PLCXD3: variants seen among roughly 807,000 people sequenced by gnomAD.
PLCXD3 encodes PI-PLC X domain-containing protein 3.
A neutral mutation model predicts 25.5 loss-of-function variants in PLCXD3; 19 were observed. That is an observed-to-expected ratio of 0.75 (90% CI 0.52 to 1.09). The LOEUF (loss-of-function observed/expected upper bound fraction) is 1.09, where lower values mean the gene tolerates loss of function less well. PLCXD3 is among the 50% of genes least tolerant of loss of function. PLCXD3 has a pLI of 0.00. For missense variants in PLCXD3, 411 were observed against 388.1 expected (o/e 1.06, Z -0.50); for synonymous variants, 174 against 137.6 (o/e 1.26, Z -1.85).
At chr5:41,401,086 A>G (rs568630812) in intron 1 of PLCXD3, among the ~76,000 whole-genome samples, 2 of 152,094 alleles carry the variant, frequency 1.3e-5, no homozygotes, top group South Asian at 4.1e-4. Flanking sequence ...CTCATTTTAA[A>G]ACTTGGTTAG....
chr5:41,510,600 A>C lies in PLCXD3; in HGVS notation c.-74T>G. 2.6e-6 allele frequency: 3 copies of C among 1,168,870 alleles called. No homozygotes were observed. Among genetic ancestry groups the C allele is most frequent in the African/African-American group, 1.5e-5 (1 of 65,502 alleles). 72.4% of individuals were successfully genotyped at this position (1,168,870 alleles called of 1,614,324 possible). A position where few individuals can be genotyped will look rare whatever the true frequency, so the allele number is the denominator to read the frequency against. On this transcript the variant is annotated 5_prime_UTR_variant, in exon 1 of 3. Transcript: ENST00000377801. ...CTGGCAGGCTGCTGCCGCTAATCCA[A>C]TGTTTGCTCTAGCCCCGCTAGAGTT...
At chr5:41,495,718 T>C (rs1041227450) in intron 1 of PLCXD3, among the ~76,000 whole-genome samples, 2 of 152,208 alleles carry the variant, frequency 1.3e-5, no homozygotes, top group Non-Finnish European at 1.5e-5. Context: ...CAGAGAAGGT[T>C]TGAGAGTCTT....
At chr5:41,453,864 G>C (rs1360613554) in intron 1 of PLCXD3, among the ~76,000 whole-genome samples, 1 of 151,904 alleles carries the variant, frequency 6.6e-6, no homozygotes, top group Non-Finnish European at 1.5e-5. Context: ...TGGTGTTCTT[G>C]AGGGCCATGG....
intron 2 of PLCXD3, among the ~76,000 whole-genome samples, chr5:41,316,455 T>A (rs977212443): frequency 6.9e-6 from 1 of 144,936 alleles, no homozygotes; most frequent in Non-Finnish European, 1.5e-5. Context: ...GGGACAAAAC[T>A]TCTTCTTGTT....
At chr5:41,455,280 C>T (rs772008286) in intron 1 of PLCXD3, among the ~76,000 whole-genome samples, 4 of 151,930 alleles carry the variant, frequency 2.6e-5, no homozygotes, top group Non-Finnish European at 5.9e-5. Context: ...TAATTTGTTA[C>T]AGCAGTTCTA....
intron 1 of PLCXD3, among the ~76,000 whole-genome samples, chr5:41,509,787 G>A (rs895037489): frequency 6.6e-6 from 1 of 152,178 alleles, no homozygotes; most frequent in African/African-American, 2.4e-5. Flanking sequence ...ACTCGGCCAG[G>A]TCCCCCGGGG....
At chr5:41,355,589 C>T (rs144018268) in intron 2 of PLCXD3, among the ~76,000 whole-genome samples, 296 of 152,310 alleles carry the variant, frequency 1.9e-3, no homozygotes, top group African/African-American at 6.9e-3. Context: ...ACCTCAATAT[C>T]AGCTAGGGGA....
At chr5:41,468,284 C>T (rs954786718) in intron 1 of PLCXD3, among the ~76,000 whole-genome samples, 2 of 151,970 alleles carry the variant, frequency 1.3e-5, no homozygotes, top group Non-Finnish European at 2.9e-5. Flanking sequence ...TCCCAAAGTG[C>T]TGAGATTACA....
chr5:41,449,957 T>A (rs1201089591), intron 1 of PLCXD3, among the ~76,000 whole-genome samples: 7 of 152,096 alleles, frequency 4.6e-5, no homozygotes, highest in Admixed American at 4.6e-4. Context: ...GTATACTGAA[T>A]ACCATTATAA....
At chr5:41,495,098 G>A (rs1327054418) in intron 1 of PLCXD3, among the ~76,000 whole-genome samples, 1 of 152,362 alleles carries the variant, frequency 6.6e-6, no homozygotes, top group South Asian at 2.1e-4. Flanking sequence ...ATCAAAGCCA[G>A]AAGGCAGATT....
At chr5:41,397,705 GC>G (rs1365641551) in intron 1 of PLCXD3, among the ~76,000 whole-genome samples, 1 of 152,184 alleles carries the variant, frequency 6.6e-6, no homozygotes, top group Non-Finnish European at 1.5e-5. Context: ...CTCAATACCA[GC>G]TTGTGAAAGC....
At chr5:41,484,915 G>T (rs1748486340) in intron 1 of PLCXD3, among the ~76,000 whole-genome samples, 1 of 152,020 alleles carries the variant, frequency 6.6e-6, no homozygotes, top group Non-Finnish European at 1.5e-5. Context: ...ATCCTTGTAG[G>T]CAATTAAATA....
intron 1 of PLCXD3, among the ~76,000 whole-genome samples, chr5:41,499,642 C>A (rs929056143): frequency 1.3e-5 from 2 of 151,586 alleles, no homozygotes; most frequent in African/African-American, 4.8e-5. Flanking sequence ...AAAAAATAAT[C>A]CTAAATTTAT....
intron 2 of PLCXD3, among the ~76,000 whole-genome samples, chr5:41,349,702 G>A (rs983777327): frequency 3.3e-5 from 5 of 152,050 alleles, no homozygotes; most frequent in South Asian, 2.1e-4. Context: ...TTTTTGCTCC[G>A]CACTTGAGGA....
At chr5:41,374,657 C>T (rs1745233164) in intron 2 of PLCXD3, among the ~76,000 whole-genome samples, 1 of 151,990 alleles carries the variant, frequency 6.6e-6, no homozygotes, top group African/African-American at 2.4e-5. Context: ...ATGGTGAAAG[C>T]TTTTTGTAAA....
At chr5:41,465,724 G>A (rs891539871) in intron 1 of PLCXD3, among the ~76,000 whole-genome samples, 13 of 151,974 alleles carry the variant, frequency 8.6e-5, no homozygotes, top group South Asian at 2.1e-4. Context: ...ATGTGTCTGC[G>A]GTCTGAAAAC....
intron 1 of PLCXD3, among the ~76,000 whole-genome samples, chr5:41,500,477 T>C (rs1283244262): frequency 6.6e-6 from 1 of 151,814 alleles, no homozygotes; most frequent in Non-Finnish European, 1.5e-5. Context: ...GTACAATGTA[T>C]ATTATTTGAG....
intron 1 of PLCXD3, among the ~76,000 whole-genome samples, chr5:41,389,055 T>A (rs984799348): frequency 1.6e-4 from 24 of 151,298 alleles, no homozygotes; most frequent in East Asian, 9.7e-4. Flanking sequence ...ACTTGCTTGA[T>A]TTTTTTTTAA....
intron 1 of PLCXD3, among the ~76,000 whole-genome samples, chr5:41,464,385 G>T (rs1470376495): frequency 6.6e-6 from 1 of 151,976 alleles, no homozygotes; most frequent in East Asian, 1.9e-4. Flanking sequence ...ATGCACTATT[G>T]CCTTGTGCAC....
Sources: gnomAD v4.1 joint callset for allele counts (sites outside exome capture counted in the v4.1 genomes callset) on GRCh38, gnomAD v4.1.1 for gene constraint, MANE v1.5 for transcripts, NCBI Gene and HGNC (gene_info 2026-07-23, HGNC 2026-07-21) for gene names.